EIF4G3: variants seen among roughly 807,000 people sequenced by gnomAD.
EIF4G3 encodes eukaryotic translation initiation factor 4 gamma 3.
In EIF4G3, 34 loss-of-function variants were observed where a neutral mutation model predicts 186.4. That is an observed-to-expected ratio of 0.18 (90% CI 0.14 to 0.24). EIF4G3 has a LOEUF of 0.24. Among genes scored for constraint, EIF4G3 ranks in the 10% least tolerant of loss-of-function variants. The pLI, the probability that EIF4G3 is intolerant of heterozygous loss-of-function variation, is 1.00. For synonymous variants in EIF4G3, 673 were observed against 679.5 expected, an observed-to-expected ratio of 0.99 and a Z score of 0.15; for missense variants, 1,536 against 1,948.5, an observed-to-expected ratio of 0.79 and a Z score of 3.99.
intron 12 of EIF4G3, 24 bp downstream of exon 12, chr1:20,969,450 C>A (rs1275995312): frequency 1.2e-6 from 2 of 1,613,170 alleles, no homozygotes; most frequent in Admixed American, 3.3e-5. Flanking sequence ...ATAGTGCCAT[C>A]CATTACAGCT....
chr1:21,035,133 G>C (rs2093073163), intron 4 of EIF4G3, among the ~76,000 whole-genome samples: 1 of 152,158 alleles, frequency 6.6e-6, no homozygotes, highest in African/African-American at 2.4e-5. Flanking sequence ...CCCTGGCACA[G>C]CTGGGTAGGA....
rs534886307 is a variant in EIF4G3 at position 20,861,758 on chromosome 1, G to C, written c.3111+470C>G. Among the ~76,000 whole-genome samples, 5 of 152,322 alleles carry C rather than the reference G, an allele frequency of 3.3e-5. No homozygotes were observed. The South Asian group carries it at 1.0e-3, about 32-fold the overall frequency. On this transcript the variant is annotated intron_variant, in intron 23 of 36. Coordinates refer to ENST00000602326, the MANE Select transcript of EIF4G3 (RefSeq NM_001391906.1). ...GGAGGCTGAGGTGGGCAGATCATTT[G>C]AGGTCAGGAGTTCCAGACCAGCCTG...
chr1:21,027,544 C>T (rs1353012616), intron 4 of EIF4G3, among the ~76,000 whole-genome samples: 1 of 151,756 alleles, frequency 6.6e-6, no homozygotes, highest in Non-Finnish European at 1.5e-5. Flanking sequence ...GCAGGAGAAT[C>T]GCTTGAACTC....
intron 2 of EIF4G3, among the ~76,000 whole-genome samples, chr1:21,097,206 G>C (rs1400681351): frequency 1.3e-5 from 2 of 152,156 alleles, no homozygotes; most frequent in African/African-American, 4.8e-5. Context: ...TTCCAATTTT[G>C]TATTTCCTTT....
At chr1:21,088,622 T>C (rs1016321302) in intron 3 of EIF4G3, among the ~76,000 whole-genome samples, 1 of 152,162 alleles carries the variant, frequency 6.6e-6, no homozygotes, top group African/African-American at 2.4e-5. Context: ...CCCAGCACGT[T>C]GGGAGGCCAA....
intron 14 of EIF4G3, among the ~76,000 whole-genome samples, chr1:20,911,537 G>A (rs1454784296): frequency 7.5e-6 from 1 of 133,348 alleles, no homozygotes; most frequent in Non-Finnish European, 1.5e-5. Flanking sequence ...CTCTAGCCTG[G>A]GTAACAGACT....
At chr1:20,887,811 A>T (rs927246944) in intron 18 of EIF4G3, among the ~76,000 whole-genome samples, 2 of 152,174 alleles carry the variant, frequency 1.3e-5, no homozygotes, top group Non-Finnish European at 2.9e-5. Context: ...TGAAACTTTA[A>T]TATAGTAGCC....
At chr1:20,971,002 C>A (rs1309195719) in intron 11 of EIF4G3, among the ~76,000 whole-genome samples, 1 of 152,100 alleles carries the variant, frequency 6.6e-6, no homozygotes, top group Non-Finnish European at 1.5e-5. Flanking sequence ...TGAACTGACA[C>A]AGAATAATCA....
In EIF4G3 at chr1:21,061,196, G is replaced by GT. The variant is rs199565484; in HGVS notation, c.-195-10203dup. 1.3e-3 allele frequency among the ~76,000 whole-genome samples: 194 copies of GT among 149,438 alleles called. 1 individual carries two copies. Among genetic ancestry groups the GT allele is most frequent in the Admixed American group, 3.8e-3 (57 of 14,948 alleles). ...ATGCTTGGTACCAGAAGTATTTCAG[G>GT]TTTTTTTTTTAATTTTTGAATATAT... On this transcript the variant is annotated intron_variant, in intron 3 of 36. Transcript: ENST00000602326.
chr1:21,108,469 A>G (rs1008791147), intron 2 of EIF4G3, among the ~76,000 whole-genome samples: 12 of 152,026 alleles, frequency 7.9e-5, no homozygotes, highest in Admixed American at 6.6e-4. Context: ...TGTCAATTTT[A>G]CTCTATTACA....
chr1:21,092,201 A>G (rs1274346912), intron 2 of EIF4G3, among the ~76,000 whole-genome samples: 1 of 152,220 alleles, frequency 6.6e-6, no homozygotes, highest in Non-Finnish European at 1.5e-5. Context: ...TTTAGCATGA[A>G]GGGCTGTTGA....
At chr1:21,081,597 A>G (rs879576169) in intron 3 of EIF4G3, among the ~76,000 whole-genome samples, 1 of 151,182 alleles carries the variant, frequency 6.6e-6, no homozygotes, top group Admixed American at 6.6e-5. Flanking sequence ...AAATAACTAG[A>G]CTAAATGTAA....
At chr1:20,998,781 C>G (rs1029936414) in intron 6 of EIF4G3, 1 of 387,422 alleles carries the variant, frequency 2.6e-6, no homozygotes, top group Admixed American at 3.1e-5. Context: ...ATGTTAACCA[C>G]TCCCTTTAAT....
At chr1:21,133,851 A>C (rs959894317) in intron 2 of EIF4G3, among the ~76,000 whole-genome samples, 2 of 152,176 alleles carry the variant, frequency 1.3e-5, no homozygotes, top group African/African-American at 4.8e-5. Context: ...CATTATCCTA[A>C]TAATCTAAGT....
intron 7 of EIF4G3, among the ~76,000 whole-genome samples, chr1:20,994,989 T>C (rs2081984081): frequency 1.3e-5 from 2 of 152,170 alleles, no homozygotes; most frequent in Admixed American, 1.3e-4. Flanking sequence ...TCATGAGCAG[T>C]ATCATACAGT....
At position 20,877,686 on chromosome 1, in the gene EIF4G3, A is replaced by G. The variant is rs1227380821; in HGVS notation, c.2622+1637T>C. ...CCAAACACTGGGCTAGAAATTTTGTAATCTCATTTATTTTAATTAATTTTA... is the reference window on the plus strand; with the variant it reads ...CCAAACACTGGGCTAGAAATTTTGTGATCTCATTTATTTTAATTAATTTTA... On this transcript the variant is annotated intron_variant, in intron 20 of 36. Coordinates refer to ENST00000602326, the MANE Select transcript of EIF4G3 (RefSeq NM_001391906.1). Among the ~76,000 whole-genome samples, 39 of 152,306 alleles carry G rather than the reference A, an allele frequency of 2.6e-4. 1 individual carries two copies. Among genetic ancestry groups the G allele is most frequent in the Admixed American group, 2.5e-3 (38 of 15,302 alleles).
chr1:21,176,873 C>T lies in EIF4G3; in HGVS notation c.-607G>A, dbSNP rs749419211. 1 of 697,718 alleles carries T rather than the reference C, an allele frequency of 1.4e-6. No homozygotes were observed. The allele number at this position is 697,718 out of a possible 1,614,324, so 43.2% of individuals were successfully genotyped here. On this transcript the variant is annotated 5_prime_UTR_variant, in exon 1 of 37. Transcript: ENST00000602326. ...AGCATCCAACATGGCGCTGTGGCCG[C>T]CTCCAGCAGTCCGGCAGGACGGCTG...
intron 33 of EIF4G3, among the ~76,000 whole-genome samples, chr1:20,818,182 A>T (rs1461530660): frequency 1.3e-5 from 2 of 152,138 alleles, no homozygotes; most frequent in African/African-American, 2.4e-5. Flanking sequence ...AGAAAAGGGT[A>T]CAATTTCACT....
chr1:20,869,925 A>G (rs1218170604), intron 20 of EIF4G3, among the ~76,000 whole-genome samples: 2 of 152,182 alleles, frequency 1.3e-5, no homozygotes, highest in Non-Finnish European at 2.9e-5. Flanking sequence ...TTAACCTGCC[A>G]AAACTGTACA....
Sources: gnomAD v4.1 joint callset for allele counts (sites outside exome capture counted in the v4.1 genomes callset) on GRCh38, gnomAD v4.1.1 for gene constraint, MANE v1.5 for transcripts, NCBI Gene and HGNC (gene_info 2026-07-23, HGNC 2026-07-21) for gene names.